The following LAMB4 variants were observed in gnomAD, a reference collection of about 807,000 sequenced individuals.
The protein encoded by LAMB4 is laminin subunit beta 4.
In LAMB4, 196 loss-of-function variants were observed where a neutral mutation model predicts 199.2. That is an observed-to-expected ratio of 0.98 (90% confidence interval 0.88 to 1.11). LAMB4 has a LOEUF of 1.11. LAMB4 is among the 50% of genes least tolerant of loss of function. The pLI is 0.00. For missense variants in LAMB4, 2,080 were observed against 2,171.2 expected (o/e 0.96, Z 0.83); for synonymous variants, 744 against 770.6 (o/e 0.97, Z 0.57).
At chr7:108,101,289 A>C (rs2037807421) in intron 10 of LAMB4, among the ~76,000 whole-genome samples, 1 of 152,168 alleles carries the variant, frequency 6.6e-6, no homozygotes, top group Non-Finnish European at 1.5e-5. Flanking sequence ...GCAGTAAGCA[A>C]CTTTGAGGGA....
chr7:108,091,266 C>T (rs902575308), intron 14 of LAMB4, among the ~76,000 whole-genome samples: 2 of 152,068 alleles, frequency 1.3e-5, no homozygotes, highest in Non-Finnish European at 2.9e-5. Context: ...TCCACCTCAC[C>T]CTTTTATAGT....
chr7:108,098,697 G>A (rs1302361175), intron 10 of LAMB4, 115 bp from the exon 11 acceptor site: 1 of 863,486 alleles, frequency 1.2e-6, no homozygotes, highest in Non-Finnish European at 1.7e-6. Context: ...ATAATTAAAT[G>A]TTTAAATAAT....
chr7:108,092,496 G>T, intron 12 of LAMB4, 80 bp from the exon 13 acceptor site: 1 of 1,061,282 alleles, frequency 9.4e-7, no homozygotes, highest in Non-Finnish European at 1.5e-6. Flanking sequence ...TCACTACAAT[G>T]CAATTGCCAC....
Position 108,062,906 on chromosome 7 carries a change from A to T in LAMB4, c.3150T>A (p.Cys1050Ter), listed in dbSNP as rs2036213946. The stretch of plus-strand genomic sequence containing the variant: ...GGCCTGTGACATTCGGCAGACAAGG[A>T]CATGCACCAGTGACAGGGTCACAGA... ...ACLCDPVTGA[C>*]PCLPNVTGLA... The change falls in exon 23 of 34, where the codon TGT becomes TGA. Residue 1050 changes from cysteine (C) to a stop codon, truncating the protein, a stop_gained. Coordinates refer to ENST00000388781, the MANE Select transcript of LAMB4 (RefSeq NM_007356.3). LOFTEE classifies it high-confidence loss of function. The T allele has an allele frequency of 6.2e-7, 1 of 1,609,426 alleles. No homozygotes were observed. The highest frequency in any genetic ancestry group is 8.5e-7 in the Non-Finnish European group (1 of 1,178,218).
rs1320338658 is a variant in LAMB4 at position 108,023,930 on chromosome 7, G to A, written c.*109C>T. The stretch of plus-strand genomic sequence containing the variant: ...GTGTCTAATAAGGACAGGGTGTGGG[G>A]AAGGAAGGTAGAAGACATTGTCAGT... On this transcript the variant is annotated 3_prime_UTR_variant, in exon 34 of 34. Transcript: ENST00000388781. 4.4e-6 allele frequency: 4 copies of A among 902,878 alleles called. No individual in the cohort carries two copies. In the East Asian group the frequency reaches 8.4e-5, roughly 19 times the overall value. The allele number at this position is 902,878 out of a possible 1,614,324, so 55.9% of individuals were successfully genotyped here.
intron 30 of LAMB4, among the ~76,000 whole-genome samples, chr7:108,035,570 A>G (rs1163942820): frequency 6.7e-6 from 1 of 149,148 alleles, no homozygotes; most frequent in African/African-American, 2.5e-5. Context: ...AAGATTTTCA[A>G]TGTACTGCTT....
chr7:108,054,261 A>G (rs1563050593), intron 25 of LAMB4, among the ~76,000 whole-genome samples: 1 of 152,114 alleles, frequency 6.6e-6, no homozygotes, highest in Non-Finnish European at 1.5e-5. Flanking sequence ...AGAAGTATAG[A>G]TGTGCCTGTT....
rs748169558 is a variant in LAMB4, at chr7:108,043,545, G to GTTTTTTTTTTTTTTTTTTTT, written c.4471+187_4471+206dup. ...AATATAATTTGGAACTGGCTATGAT[G>GTTTTTTTTTTTTTTTTTTTT]TTTTTTTTTTTTTTTTTTTTTTTTT... On this transcript the variant is annotated intron_variant, in intron 29 of 33. Transcript: ENST00000388781. 5.4e-5 allele frequency among the ~76,000 whole-genome samples: 3 copies of GTTTTTTTTTTTTTTTTTTTT among 55,994 alleles called. 1 individual carries two copies. Among genetic ancestry groups the GTTTTTTTTTTTTTTTTTTTT allele is most frequent in the African/African-American group, 1.5e-4 (1 of 6,852 alleles). 36.7% of individuals were successfully genotyped at this position (55,994 alleles called of 152,430 possible). A position where few individuals can be genotyped will look rare whatever the true frequency, so the allele number is the denominator to read the frequency against.
At chr7:108,020,516 G>C (rs1347301991), downstream of LAMB4, among the ~76,000 whole-genome samples, 1 of 149,078 alleles carries the variant, frequency 6.7e-6, no homozygotes, top group Non-Finnish European at 1.5e-5. Context: ...GCATGTTGTT[G>C]TTGCATATAA....
At chr7:108,048,452 C>G (rs549487263) in intron 27 of LAMB4, among the ~76,000 whole-genome samples, 1 of 152,214 alleles carries the variant, frequency 6.6e-6, no homozygotes, top group East Asian at 1.9e-4. Flanking sequence ...AGGCATGTGG[C>G]CTGGCTGTCA....
intron 23 of LAMB4, among the ~76,000 whole-genome samples, chr7:108,061,598 G>A (rs2036160784): frequency 1.3e-5 from 2 of 151,900 alleles, no homozygotes; most frequent in Admixed American, 6.6e-5. Flanking sequence ...AATTAGCTGG[G>A]CGTGGTGGTG....
chr7:108,018,387 C>A, the LAMB4 span, among the ~76,000 whole-genome samples: 2 of 152,116 alleles, frequency 1.3e-5, no homozygotes, highest in African/African-American at 4.8e-5. Flanking sequence ...GCCCCAATGT[C>A]CTCTGCAGGG....
At chr7:108,120,936 C>T (rs1451144923) in intron 2 of LAMB4, among the ~76,000 whole-genome samples, 1 of 151,898 alleles carries the variant, frequency 6.6e-6, no homozygotes, top group Non-Finnish European at 1.5e-5. Context: ...AACTATTATT[C>T]CTGTAACATT....
intron 10 of LAMB4, among the ~76,000 whole-genome samples, chr7:108,101,000 GAAAT>G (rs1482251909): frequency 6.6e-6 from 1 of 152,184 alleles, no homozygotes; most frequent in Non-Finnish European, 1.5e-5. Context: ...CTTAAAGTTT[GAAAT>G]CTAGGACATT....
At chr7:108,107,607 T>C (rs2150662111) in intron 6 of LAMB4, 24 bp downstream of exon 6, 2 of 1,533,462 alleles carry the variant, frequency 1.3e-6, no homozygotes, top group Non-Finnish European at 8.8e-7. Context: ...TTATACAAAA[T>C]AAATACAAGG....
chr7:108,013,213 C>T, the LAMB4 span, among the ~76,000 whole-genome samples: 64 of 152,328 alleles, frequency 4.2e-4, no homozygotes, highest in African/African-American at 1.5e-3. Context: ...TAGCCCTAAA[C>T]ACAGAGCTGG....
chr7:108,020,497 A>C (rs2150470957), downstream of LAMB4, among the ~76,000 whole-genome samples: 1 of 151,704 alleles, frequency 6.6e-6, no homozygotes. Context: ...AAAAGAAAAG[A>C]AAAAGTATGC....
In LAMB4 at chr7:108,030,989, A is replaced by C; in HGVS notation, c.4819-10T>G. ...TGGTTTGATTTTCAGCCTGTTGTTG[A>C]TTTAAAGACCAAAAAGGGAAAATCT... On this transcript the variant is annotated splice_polypyrimidine_tract_variant and intron_variant, in intron 31 of 33. Transcript: ENST00000388781. 6.2e-7 allele frequency: 1 copy of C among 1,610,908 alleles called. No individual in the cohort carries two copies. Among genetic ancestry groups the C allele is most frequent in the Non-Finnish European group, 8.5e-7 (1 of 1,178,148 alleles).
intron 15 of LAMB4, 147 bp from the exon 16 acceptor site, chr7:108,078,463 T>C: frequency 1.7e-6 from 1 of 589,208 alleles, no homozygotes; most frequent in Non-Finnish European, 3.0e-6. Context: ...TGAAAGAGTC[T>C]TAGAGGTTCA....
Sources: allele counts gnomAD v4.1 joint callset (sites outside exome capture counted in the v4.1 genomes callset), GRCh38; gene constraint gnomAD v4.1.1; transcripts MANE v1.5; gene names NCBI Gene and HGNC (gene_info 2026-07-23, HGNC 2026-07-21).